Variants in CSMD1 observed in about 807,000 individuals in gnomAD.
The protein encoded by CSMD1 is CUB and sushi domain-containing protein 1.
CSMD1 carries 213 observed loss-of-function variants against 417.5 expected under a neutral mutation model. That is an observed-to-expected ratio of 0.51 (90% CI 0.46 to 0.57). The LOEUF (loss-of-function observed/expected upper bound fraction) is 0.57, where lower values mean the gene tolerates loss of function less well. Ranked by LOEUF, CSMD1 falls within the 20% of genes least tolerant of loss-of-function variation. The pLI is 0.00. For synonymous variants in CSMD1, 2,862 were observed against 1,736.8 expected, an observed-to-expected ratio of 1.65 and a Z score of -16.11; for missense variants, 6,923 against 4,529.7, an observed-to-expected ratio of 1.53 and a Z score of -15.17.
intron 12 of CSMD1, among the ~76,000 whole-genome samples, chr8:3,465,430 G>C (rs1426823919): frequency 6.6e-6 from 1 of 152,092 alleles, no homozygotes; most frequent in Non-Finnish European, 1.5e-5. Context: ...GCCACAGGTG[G>C]GTAGAGTGGA....
At chr8:3,978,050 A>T (rs767535947) in intron 5 of CSMD1, among the ~76,000 whole-genome samples, 1 of 152,148 alleles carries the variant, frequency 6.6e-6, no homozygotes, top group Admixed American at 6.5e-5. Flanking sequence ...AGCTTCCTCA[A>T]AAAGCACGTT....
In CSMD1 at chr8:4,424,257, T is replaced by C. The variant is rs114194115; in HGVS notation, c.303-4192A>G. On this transcript the variant is annotated intron_variant, in intron 2 of 69. Transcript: ENST00000635120. ...GCATTAAGAGAATAAAAGTGTATGC[T>C]GCAGACTGGGAAAACACATTCGCAA... Among the ~76,000 whole-genome samples, 380 of 152,140 alleles carry C rather than the reference T, an allele frequency of 2.5e-3. 1 individual carries two copies. Among genetic ancestry groups the C allele is most frequent in the African/African-American group, 8.4e-3 (348 of 41,538 alleles).
intron 2 of CSMD1, among the ~76,000 whole-genome samples, chr8:4,479,218 C>A (rs150889955): frequency 6.6e-6 from 1 of 151,928 alleles, no homozygotes; most frequent in Non-Finnish European, 1.5e-5. Context: ...GAGAAGATAC[C>A]CCTGGAATTA....
intron 2 of CSMD1, among the ~76,000 whole-genome samples, chr8:4,453,810 GTTTCTTT>G (rs1457127691): frequency 1.1e-5 from 1 of 93,014 alleles, no homozygotes; most frequent in African/African-American, 3.9e-5. Flanking sequence ...TGCGCAATTC[GTTTCTTT>G]TTTTTTTTTT....
chr8:4,335,700 G>C (rs1800125132), intron 3 of CSMD1, among the ~76,000 whole-genome samples: 1 of 152,110 alleles, frequency 6.6e-6, no homozygotes, highest in African/African-American at 2.4e-5. Flanking sequence ...ACAGAATATA[G>C]TGTTTCTCAA....
intron 2 of CSMD1, among the ~76,000 whole-genome samples, chr8:4,597,714 T>C (rs1800362253): frequency 6.6e-6 from 1 of 152,178 alleles, no homozygotes; most frequent in South Asian, 2.1e-4. Context: ...CATCATGTTA[T>C]ATCACATGAA....
chr8:3,623,594 T>A (rs868362543), intron 7 of CSMD1, among the ~76,000 whole-genome samples: 1 of 152,222 alleles, frequency 6.6e-6, no homozygotes, highest in Non-Finnish European at 1.5e-5. Context: ...TACATATGTT[T>A]TTAAATGTAA....
chr8:3,031,582 T>C (rs1398765742), intron 50 of CSMD1, among the ~76,000 whole-genome samples: 2 of 152,094 alleles, frequency 1.3e-5, no homozygotes, highest in Non-Finnish European at 2.9e-5. Flanking sequence ...TGTTGTTTTA[T>C]ACAGACTAGG....
chr8:4,732,100 C>G (rs544397256), intron 1 of CSMD1, among the ~76,000 whole-genome samples: 1 of 152,084 alleles, frequency 6.6e-6, no homozygotes. Context: ...GCATCCTTAT[C>G]TTCATTTCAC....
intron 26 of CSMD1, among the ~76,000 whole-genome samples, chr8:3,268,113 G>C (rs565360582): frequency 5.9e-5 from 9 of 152,008 alleles, no homozygotes; most frequent in African/African-American, 2.2e-4. Context: ...AATAGGAAGA[G>C]ACGGGATATT....
At chr8:4,057,669 G>C (rs7461375) in intron 3 of CSMD1, among the ~76,000 whole-genome samples, 141,758 of 150,974 alleles carry the variant, frequency 0.94, 66,626 homozygotes, top group East Asian at 0.99. Flanking sequence ...AGTTTTAGGT[G>C]TAACGTTTAA....
intron 42 of CSMD1, among the ~76,000 whole-genome samples, chr8:3,118,108 T>C: frequency 6.6e-6 from 1 of 152,334 alleles, no homozygotes; most frequent in African/African-American, 2.4e-5. Flanking sequence ...CCCTGATGGC[T>C]TCCCAAGCCT....
intron 2 of CSMD1, among the ~76,000 whole-genome samples, chr8:4,454,099 G>A (rs949713946): frequency 6.6e-6 from 1 of 152,100 alleles, no homozygotes; most frequent in African/African-American, 2.4e-5. Flanking sequence ...TGGGATTACA[G>A]GCGTGAGCCA....
At chr8:3,064,693 G>C (rs768123474) in intron 49 of CSMD1, among the ~76,000 whole-genome samples, 1 of 151,958 alleles carries the variant, frequency 6.6e-6, no homozygotes, top group Non-Finnish European at 1.5e-5. Context: ...AAACATCCCC[G>C]CATTTTCTCA....
chr8:4,842,859 G>A (rs12541383), intron 1 of CSMD1, among the ~76,000 whole-genome samples: 3 of 151,878 alleles, frequency 2.0e-5, no homozygotes, highest in Admixed American at 6.5e-5. Context: ...TTTTTTCAAC[G>A]CTTAAAGGCT....
At chr8:4,502,500 T>C (rs1278637629) in intron 2 of CSMD1, among the ~76,000 whole-genome samples, 2 of 152,200 alleles carry the variant, frequency 1.3e-5, no homozygotes, top group Non-Finnish European at 2.9e-5. Flanking sequence ...CTGAGGGCCA[T>C]GACCACGTCA....
intron 10 of CSMD1, among the ~76,000 whole-genome samples, chr8:3,536,221 G>A (rs552883235): frequency 3.3e-4 from 50 of 152,332 alleles, no homozygotes; most frequent in Non-Finnish European, 5.0e-4. Flanking sequence ...TTCAAGACTC[G>A]AAGCATCAAT....
At chr8:4,044,745 T>TGTACAACCCTGGGCAC (rs1798062664) in intron 3 of CSMD1, among the ~76,000 whole-genome samples, 3 of 152,292 alleles carry the variant, frequency 2.0e-5, no homozygotes, top group Non-Finnish European at 4.4e-5. Flanking sequence ...ACCCTGGGCA[T>TGTACAACCCTGGGCAC]GTACCACCCT....
chr8:3,113,093 C>T (rs1176603160), intron 42 of CSMD1: 1 of 152,244 alleles, frequency 6.6e-6, no homozygotes, highest in Non-Finnish European at 1.5e-5. Flanking sequence ...CGTGTCTCGG[C>T]AGGAAGCGTA....
Sources: allele counts gnomAD v4.1 joint callset (sites outside exome capture counted in the v4.1 genomes callset), GRCh38; gene constraint gnomAD v4.1.1; transcripts MANE v1.5; gene names NCBI Gene and HGNC (gene_info 2026-07-23, HGNC 2026-07-21).